The following TMEM266 variants were observed in gnomAD, a reference collection of about 807,000 sequenced individuals.
The protein encoded by TMEM266 is transmembrane protein 266.
Under a neutral mutation model 50.5 loss-of-function variants are expected in TMEM266, and 33 were observed. The observed-to-expected ratio is 0.65, with a 90% CI of 0.50 to 0.87. The LOEUF is 0.87. Among genes scored for constraint, TMEM266 ranks in the 40% least tolerant of loss-of-function variants. The pLI is 0.00. For synonymous variants in TMEM266, 310 were observed against 292.3 expected (o/e 1.06, Z -0.62); for missense variants, 655 against 695.1 (o/e 0.94, Z 0.65).
intron 3 of TMEM266, among the ~76,000 whole-genome samples, chr15:76,149,478 A>G (rs2037805653): frequency 6.6e-6 from 1 of 152,240 alleles, no homozygotes; most frequent in South Asian, 2.1e-4. Flanking sequence ...CTGTTTATTC[A>G]TCCCCCTTCT....
chr15:76,130,125 T>TG, intron 1 of TMEM266, among the ~76,000 whole-genome samples: 1 of 137,894 alleles, frequency 7.3e-6, no homozygotes, highest in South Asian at 2.3e-4. Context: ...GGGCTGATGG[T>TG]GGGGGGATCA....
intron 1 of TMEM266, among the ~76,000 whole-genome samples, chr15:76,132,516 C>T (rs1352944459): frequency 1.3e-5 from 2 of 151,846 alleles, no homozygotes; most frequent in Admixed American, 6.6e-5. Context: ...TTATTATGGG[C>T]GGGGCACAGT....
At chr15:76,107,025 G>A (rs759501863) in intron 1 of TMEM266, among the ~76,000 whole-genome samples, 14 of 152,218 alleles carry the variant, frequency 9.2e-5, no homozygotes, top group Non-Finnish European at 1.6e-4. Context: ...CACAAGGACA[G>A]TAGAGTATGC....
chr15:76,204,478 AG>A lies in TMEM266; in HGVS notation c.*164del, dbSNP rs1312879380. ...GGCGACGCCAGGCCAGGAGGCCACAAGCTTCAGACCTCAAAGCCCAGAGCTG... is the reference window on the plus strand; with the variant it reads ...GGCGACGCCAGGCCAGGAGGCCACAACTTCAGACCTCAAAGCCCAGAGCTG... On this transcript the variant is annotated 3_prime_UTR_variant, in exon 11 of 11. Transcript: ENST00000388942. 14 of 615,490 alleles carry A rather than the reference AG, an allele frequency of 2.3e-5. No individual in the cohort carries two copies. The highest frequency in any genetic ancestry group is 3.7e-5 in the African/African-American group (2 of 54,096). The allele number at this position is 615,490 out of a possible 1,614,324, so 38.1% of individuals were successfully genotyped here.
At chr15:76,119,141 G>A (rs1331963342) in intron 1 of TMEM266, among the ~76,000 whole-genome samples, 1 of 152,120 alleles carries the variant, frequency 6.6e-6, no homozygotes, top group African/African-American at 2.4e-5. Context: ...ACTATGTGGG[G>A]CACTAGCCTA....
At position 76,105,774 on chromosome 15, in the gene TMEM266, G is replaced by T. The variant is rs1483307161; in HGVS notation, c.-96-28394G>T. On this transcript the variant is annotated intron_variant, in intron 1 of 10. Coordinates refer to ENST00000388942, the MANE Select transcript of TMEM266 (RefSeq NM_152335.3). ...GATCTGGGCACCAGGCAGGGGCTCAGGAAATGTTTGAATGGATGAGAGATG... is the reference window on the plus strand; with the variant it reads ...GATCTGGGCACCAGGCAGGGGCTCATGAAATGTTTGAATGGATGAGAGATG... Among the ~76,000 whole-genome samples the T allele has an allele frequency of 8.5e-5, 13 of 152,328 alleles. No individual in the cohort carries two copies. In the East Asian group the frequency reaches 2.5e-3, roughly 29 times the overall value.
At chr15:76,167,845 G>C (rs2038121169) in intron 5 of TMEM266, among the ~76,000 whole-genome samples, 2 of 151,284 alleles carry the variant, frequency 1.3e-5, no homozygotes, top group South Asian at 4.1e-4. Context: ...TGCAGAACCA[G>C]AAACCTCTGG....
At chr15:76,151,816 C>T (rs753139476) in intron 3 of TMEM266, among the ~76,000 whole-genome samples, 4 of 152,274 alleles carry the variant, frequency 2.6e-5, no homozygotes, top group East Asian at 3.9e-4. Context: ...AGGGCTGAGA[C>T]GCCGCATTCC....
chr15:76,112,673 G>A (rs2037187655), intron 1 of TMEM266: 1 of 152,212 alleles, frequency 6.6e-6, no homozygotes, highest in Admixed American at 6.5e-5. Context: ...AATGCAGGAA[G>A]CACACTCATG....
intron 8 of TMEM266, among the ~76,000 whole-genome samples, chr15:76,187,508 G>C (rs2142077686): frequency 6.6e-6 from 1 of 152,368 alleles, no homozygotes; most frequent in South Asian, 2.1e-4. Flanking sequence ...AGTCGCCTCT[G>C]AGACCTTGCT....
At chr15:76,145,775 G>A (rs1030061677) in intron 3 of TMEM266, among the ~76,000 whole-genome samples, 4 of 152,230 alleles carry the variant, frequency 2.6e-5, no homozygotes, top group Non-Finnish European at 5.9e-5. Context: ...TTCTTAGGCT[G>A]TTTCTTCAAT....
chr15:76,201,908 C>G (rs1435937431), intron 9 of TMEM266, among the ~76,000 whole-genome samples: 2 of 152,188 alleles, frequency 1.3e-5, no homozygotes, highest in Non-Finnish European at 2.9e-5. Flanking sequence ...ATTTCCACAC[C>G]CCTCATCTCA....
At chr15:76,126,035 T>G (rs1424824025) in intron 1 of TMEM266, among the ~76,000 whole-genome samples, 2 of 151,828 alleles carry the variant, frequency 1.3e-5, no homozygotes, top group African/African-American at 4.8e-5. Flanking sequence ...ATGACTATTA[T>G]AAAAAAGTCA....
At chr15:76,196,467 A>G (rs2038658053) in intron 9 of TMEM266, among the ~76,000 whole-genome samples, 1 of 152,238 alleles carries the variant, frequency 6.6e-6, no homozygotes, top group South Asian at 2.1e-4. Context: ...CTCCTTGACC[A>G]GGAACTGTGT....
intron 4 of TMEM266, among the ~76,000 whole-genome samples, chr15:76,159,711 C>T (rs998981066): frequency 7.2e-5 from 11 of 152,104 alleles, no homozygotes; most frequent in African/African-American, 2.7e-4. Flanking sequence ...CATCCAGCCT[C>T]AACTGAAGCT....
intron 1 of TMEM266, among the ~76,000 whole-genome samples, chr15:76,080,486 T>C (rs1431413877): frequency 6.6e-6 from 1 of 151,328 alleles, no homozygotes; most frequent in East Asian, 2.0e-4. Flanking sequence ...CCCGACCTTG[T>C]GATCCGCCCG....
intron 3 of TMEM266, among the ~76,000 whole-genome samples, chr15:76,140,059 G>T (rs2037653656): frequency 6.6e-6 from 1 of 152,250 alleles, no homozygotes; most frequent in African/African-American, 2.4e-5. Context: ...CCTTTGCAAG[G>T]TTCCTTCCCA....
At chr15:76,163,715 T>A (rs1476952088) in intron 5 of TMEM266, among the ~76,000 whole-genome samples, 1 of 151,636 alleles carries the variant, frequency 6.6e-6, no homozygotes, top group Non-Finnish European at 1.5e-5. Context: ...CAGGGCCCAG[T>A]GCAGGCTGTG....
intron 8 of TMEM266, among the ~76,000 whole-genome samples, chr15:76,178,262 A>G (rs755000183): frequency 6.6e-6 from 1 of 152,010 alleles, no homozygotes; most frequent in Non-Finnish European, 1.5e-5. Context: ...CAGGGTGGAG[A>G]CAGGAAGACT....
Sources: gnomAD v4.1 joint callset for allele counts (sites outside exome capture counted in the v4.1 genomes callset) on GRCh38, gnomAD v4.1.1 for gene constraint, MANE v1.5 for transcripts, NCBI Gene and HGNC (gene_info 2026-07-23, HGNC 2026-07-21) for gene names.